SPINK13: variants seen among roughly 807,000 people sequenced by gnomAD.
SPINK13 encodes serine protease inhibitor Kazal-type 13.
In SPINK13, 11 loss-of-function variants were observed where a neutral mutation model predicts 11.0. That is an observed-to-expected ratio of 1.00 (90% CI 0.63 to 1.65). The LOEUF (loss-of-function observed/expected upper bound fraction) is 1.65. SPINK13 is among the 40% of genes most tolerant of loss of function. SPINK13 has a pLI of 0.00. For missense variants in SPINK13, 113 were observed against 117.7 expected (o/e 0.96, Z 0.19); for synonymous variants, 31 against 35.6 (o/e 0.87, Z 0.46).
intron 3 of SPINK13, among the ~76,000 whole-genome samples, chr5:148,281,124 G>A (rs1370859545): frequency 6.6e-6 from 1 of 152,114 alleles, no homozygotes. Context: ...AATGGCGGAC[G>A]CCCCTCCCCC....
Position 148,270,094 on chromosome 5 carries a change from A to T in SPINK13, c.22A>T (p.Ile8Phe). MAAFPHK[I>F]IFFLVCSTLT... ...TCAAATGGCTGCCTTTCCCCACAAGATTATATTTTTCCTGGTATGCTCTAC... is the reference window on the plus strand; with the variant it reads ...TCAAATGGCTGCCTTTCCCCACAAGTTTATATTTTTCCTGGTATGCTCTAC... Residue 8 changes from isoleucine (I) to phenylalanine (F), a missense_variant, in exon 2 of 5, where the codon ATT becomes TTT. Coordinates refer to ENST00000398450, the MANE Select transcript of SPINK13 (RefSeq NM_001040129.3). The T allele has an allele frequency of 6.2e-7, 1 of 1,614,096 alleles. No homozygotes were observed. The highest frequency in any genetic ancestry group is 8.5e-7 in the Non-Finnish European group (1 of 1,179,980).
chr5:148,286,141 T>A lies in SPINK13; in HGVS notation c.*93T>A, dbSNP rs142421145. 2.6e-6 allele frequency: 2 copies of A among 775,220 alleles called. No individual in the cohort carries two copies. Among genetic ancestry groups the A allele is most frequent in the Non-Finnish European group, 3.9e-6 (2 of 518,152 alleles). The allele number at this position is 775,220 out of a possible 1,614,324, so 48.0% of individuals were successfully genotyped here. ...GTGTGAGAATGTAAATTAAATAACA[T>A]CCCTATGCTGTACTTAAATGTCGAA... On this transcript the variant is annotated 3_prime_UTR_variant, in exon 5 of 5. Transcript: ENST00000398450.
At chr5:148,284,643 T>G (rs1756564955) in intron 4 of SPINK13, among the ~76,000 whole-genome samples, 1 of 152,204 alleles carries the variant, frequency 6.6e-6, no homozygotes, top group South Asian at 2.1e-4. Context: ...AGAATAGTCC[T>G]AATGCTCTTT....
intron 4 of SPINK13, among the ~76,000 whole-genome samples, chr5:148,282,894 G>T (rs1346134877): frequency 1.3e-5 from 2 of 152,146 alleles, no homozygotes; most frequent in African/African-American, 4.8e-5. Flanking sequence ...TTCATGACCT[G>T]TGAGATCTTC....
chr5:148,271,214 G>A (rs1756345269), intron 2 of SPINK13, among the ~76,000 whole-genome samples: 1 of 152,154 alleles, frequency 6.6e-6, no homozygotes, highest in Admixed American at 6.5e-5. Flanking sequence ...TCAATTGATT[G>A]CCTGCTATGT....
At chr5:148,281,966 C>A in intron 3 of SPINK13, 138 bp from the exon 4 acceptor site, 1 of 1,237,084 alleles carries the variant, frequency 8.1e-7, no homozygotes, top group Non-Finnish European at 1.1e-6. Flanking sequence ...GACAGAAGGC[C>A]ACAGAACAGT....
At chr5:148,284,012 C>T (rs966223279) in intron 4 of SPINK13, among the ~76,000 whole-genome samples, 2 of 152,148 alleles carry the variant, frequency 1.3e-5, no homozygotes, top group East Asian at 1.9e-4. Flanking sequence ...TGTAACCTCA[C>T]GGAATGGTGT....
chr5:148,274,896 A>G (rs543996863), intron 3 of SPINK13, among the ~76,000 whole-genome samples: 1 of 152,322 alleles, frequency 6.6e-6, no homozygotes, highest in Admixed American at 6.5e-5. Context: ...TTATAGTCAA[A>G]TAAGATATTG....
chr5:148,282,120 A>G lies in SPINK13; in HGVS notation c.125A>G (p.Tyr42Cys), dbSNP rs778040040. Residue 42 changes from tyrosine to cysteine, a missense_variant, in exon 4 of 5, where the codon TAT (tyrosine) becomes TGT (cysteine). Physicochemically the swap from Tyr to Cys is radical, Grantham distance 194 (BLOSUM62 -2). Transcript: ENST00000398450. ...TATTTGCAGCCCCGATGTAAAATGTATATCCCACTGGACCCTGATTACAAT... is the reference window on the plus strand; with the variant it reads ...TATTTGCAGCCCCGATGTAAAATGTGTATCCCACTGGACCCTGATTACAAT... ...TRWPKPRCKM[Y>C]IPLDPDYNAD... The G allele has an allele frequency of 2.3e-5, 37 of 1,614,110 alleles. No individual in the cohort carries two copies. Among genetic ancestry groups the G allele is most frequent in the Non-Finnish European group, 3.1e-5 (36 of 1,180,042 alleles).
intron 3 of SPINK13, among the ~76,000 whole-genome samples, chr5:148,279,349 A>T (rs1382650473): frequency 6.6e-6 from 1 of 152,004 alleles, no homozygotes; most frequent in Non-Finnish European, 1.5e-5. Context: ...TTTGCCCATT[A>T]GTTGATGCAG....
In SPINK13 at chr5:148,282,244, T is replaced by A; in HGVS notation, c.236+13T>A. 2.5e-6 allele frequency: 4 copies of A among 1,613,246 alleles called. No individual in the cohort carries two copies. The highest frequency in any genetic ancestry group is 2.5e-6 in the Non-Finnish European group (3 of 1,179,298). ...GTGTTGAACAGAGGTAAGTTCAGAA[T>A]AAAATGCCATTATTTTTTCCCTCTA... is the stretch of plus-strand genomic sequence containing the variant. On this transcript the variant is annotated intron_variant, in intron 4 of 4. Coordinates refer to ENST00000398450, the MANE Select transcript of SPINK13 (RefSeq NM_001040129.3).
intron 4 of SPINK13, among the ~76,000 whole-genome samples, chr5:148,282,551 A>G (rs533617709): frequency 6.6e-6 from 1 of 151,778 alleles, no homozygotes; most frequent in Admixed American, 6.5e-5. Context: ...TAAAAAAAAC[A>G]CTGAACTTTT....
chr5:148,272,091 A>G (rs10044134), intron 2 of SPINK13, among the ~76,000 whole-genome samples: 3,099 of 152,314 alleles, frequency 0.02, 111 homozygotes, highest in African/African-American at 0.07. Flanking sequence ...CCAATGTGCG[A>G]CCATACCCTA....
At chr5:148,278,812 C>T (rs1756470249) in intron 3 of SPINK13, among the ~76,000 whole-genome samples, 1 of 152,282 alleles carries the variant, frequency 6.6e-6, no homozygotes, top group Admixed American at 6.5e-5. Context: ...GACTTCAAGT[C>T]CTAAATATCC....
In SPINK13 at chr5:148,270,099, A is replaced by G. The variant is rs755239283; in HGVS notation, c.27A>G (p.Ile9Met). 1 of 1,614,012 alleles carries G rather than the reference A, an allele frequency of 6.2e-7. No individual in the cohort carries two copies. The highest frequency in any genetic ancestry group is 8.5e-7 in the Non-Finnish European group (1 of 1,179,962). The change falls in exon 2 of 5, where the codon ATA becomes ATG. Residue 9 changes from isoleucine to methionine, a missense_variant. Coordinates refer to ENST00000398450, the MANE Select transcript of SPINK13 (RefSeq NM_001040129.3). ...TGGCTGCCTTTCCCCACAAGATTATATTTTTCCTGGTATGCTCTACTTTGA... is the reference window on the plus strand; with the variant it reads ...TGGCTGCCTTTCCCCACAAGATTATGTTTTTCCTGGTATGCTCTACTTTGA... The part of the protein sequence containing the change: MAAFPHKI[I>M]FFLVCSTLTH...
At chr5:148,272,083 A>C (rs1238605135) in intron 2 of SPINK13, among the ~76,000 whole-genome samples, 2 of 152,188 alleles carry the variant, frequency 1.3e-5, no homozygotes, top group African/African-American at 4.8e-5. Flanking sequence ...ATAATATCCC[A>C]ATGTGCGACC....
At chr5:148,277,605 G>A (rs561552968) in intron 3 of SPINK13, among the ~76,000 whole-genome samples, 44 of 152,250 alleles carry the variant, frequency 2.9e-4, no homozygotes, top group Non-Finnish European at 5.1e-4. Flanking sequence ...TTAAACGAAC[G>A]TTGCATCGCA....
At chr5:148,272,567 T>C (rs1047368583) in intron 2 of SPINK13, among the ~76,000 whole-genome samples, 1 of 152,184 alleles carries the variant, frequency 6.6e-6, no homozygotes, top group Non-Finnish European at 1.5e-5. Flanking sequence ...TAGATGCCTA[T>C]ATTTCTGGAC....
chr5:148,280,473 T>C (rs1024397285), intron 3 of SPINK13, among the ~76,000 whole-genome samples: 45 of 152,198 alleles, frequency 3.0e-4, no homozygotes, highest in Non-Finnish European at 5.7e-4. Context: ...AGTTTTTGCG[T>C]GGTCATCCTT....
Sources: gnomAD v4.1 joint callset for allele counts (sites outside exome capture counted in the v4.1 genomes callset) on GRCh38, gnomAD v4.1.1 for gene constraint, MANE v1.5 for transcripts, NCBI Gene and HGNC (gene_info 2026-07-23, HGNC 2026-07-21) for gene names.